SYNDIG1L: variants seen among roughly 807,000 people sequenced by gnomAD.
SYNDIG1L encodes the protein synapse differentiation inducing 1 like.
In SYNDIG1L, 13 loss-of-function variants were observed where a neutral mutation model predicts 20.1. That is an observed-to-expected ratio of 0.65 (90% CI 0.42 to 1.03). The LOEUF (loss-of-function observed/expected upper bound fraction) is 1.03. SYNDIG1L is among the 50% of genes least tolerant of loss of function. The pLI is 0.00. For missense variants in SYNDIG1L, 294 were observed against 305.1 expected (o/e 0.96, Z 0.27); for synonymous variants, 128 against 129.3 (o/e 0.99, Z 0.07).
the SYNDIG1L span, among the ~76,000 whole-genome samples, chr14:74,434,940 G>A: frequency 2.0e-5 from 3 of 148,866 alleles, no homozygotes; most frequent in East Asian, 2.0e-4. Flanking sequence ...AAAATTAGCC[G>A]GGCGTGGTGG....
chr14:74,410,817 C>A (rs909616540), intron 1 of SYNDIG1L, among the ~76,000 whole-genome samples: 2 of 152,138 alleles, frequency 1.3e-5, no homozygotes, highest in Non-Finnish European at 2.9e-5. Flanking sequence ...GAGGGATACA[C>A]CTTAGTAACT....
chr14:74,442,080 G>A, the SYNDIG1L span, among the ~76,000 whole-genome samples: 7 of 152,202 alleles, frequency 4.6e-5, no homozygotes, highest in South Asian at 4.2e-4. Context: ...ATGATGTAAC[G>A]TGGGGTTAAT....
At chr14:74,460,884 A>G in the SYNDIG1L span, among the ~76,000 whole-genome samples, 3 of 151,432 alleles carry the variant, frequency 2.0e-5, no homozygotes, top group African/African-American at 4.9e-5. Flanking sequence ...CCTGAGCTCA[A>G]AGTGATCTGC....
At chr14:74,469,247 C>T in the SYNDIG1L span, among the ~76,000 whole-genome samples, 1 of 151,792 alleles carries the variant, frequency 6.6e-6, no homozygotes, top group Middle Eastern at 3.2e-3. Context: ...AAGCTGGAAA[C>T]CATCATTCTG....
intron 2 of SYNDIG1L, 89 bp from the exon 3 acceptor site, chr14:74,408,078 T>G: frequency 6.9e-7 from 1 of 1,454,274 alleles, no homozygotes; most frequent in South Asian, 1.4e-5. Context: ...CAATGCCCAG[T>G]GGCCAGTGAC....
chr14:74,471,583 G>A, the SYNDIG1L span, among the ~76,000 whole-genome samples: 6 of 150,152 alleles, frequency 4.0e-5, no homozygotes, highest in Non-Finnish European at 7.4e-5. Flanking sequence ...GGGTGACAAC[G>A]TGAGACCCTA....
the SYNDIG1L span, chr14:74,480,007 C>A: frequency 7.7e-6 from 11 of 1,429,258 alleles, no homozygotes; most frequent in East Asian, 2.2e-4. Flanking sequence ...AAAGAGGCCA[C>A]AAGTTAATGT....
chr14:74,466,129 C>T, the SYNDIG1L span, among the ~76,000 whole-genome samples: 1 of 152,186 alleles, frequency 6.6e-6, no homozygotes, highest in African/African-American at 2.4e-5. Flanking sequence ...TGACTTAAAA[C>T]GCTGCCCTCA....
At chr14:74,430,793 T>C (rs2086297460), upstream of SYNDIG1L, among the ~76,000 whole-genome samples, 1 of 152,168 alleles carries the variant, frequency 6.6e-6, no homozygotes, top group Non-Finnish European at 1.5e-5. Context: ...AGAGTCTTAC[T>C]CTGTCACCCA....
chr14:74,480,021 TAA>T, the SYNDIG1L span: 1 of 1,380,990 alleles, frequency 7.2e-7, no homozygotes. Context: ...TTAATGTTGT[TAA>T]AAAAAAAATT....
the SYNDIG1L span, among the ~76,000 whole-genome samples, chr14:74,441,514 A>G: frequency 6.6e-6 from 1 of 152,006 alleles, no homozygotes; most frequent in African/African-American, 2.4e-5. Flanking sequence ...TTGTTTTTAT[A>G]TATATATTAG....
the SYNDIG1L span, among the ~76,000 whole-genome samples, chr14:74,452,961 G>A: frequency 6.6e-6 from 1 of 152,120 alleles, no homozygotes; most frequent in Non-Finnish European, 1.5e-5. Context: ...ATTACACAGA[G>A]CTCAAGAGCC....
the SYNDIG1L span, among the ~76,000 whole-genome samples, chr14:74,469,616 A>G: frequency 1.3e-5 from 2 of 152,158 alleles, no homozygotes; most frequent in Non-Finnish European, 2.9e-5. Context: ...TGAGGTGCAG[A>G]GGTCATCACC....
At chr14:74,415,993 T>C (rs1310856293) in intron 1 of SYNDIG1L, among the ~76,000 whole-genome samples, 1 of 152,104 alleles carries the variant, frequency 6.6e-6, no homozygotes. Flanking sequence ...CATATAGTGT[T>C]TTATTCCACT....
upstream of SYNDIG1L, among the ~76,000 whole-genome samples, chr14:74,427,519 G>T (rs940569362): frequency 8.5e-5 from 13 of 152,156 alleles, no homozygotes; most frequent in Non-Finnish European, 1.5e-4. Flanking sequence ...TGGGGCTTGG[G>T]TCTCCTTCCC....
At chr14:74,410,480 T>A (rs1362075446) in intron 1 of SYNDIG1L, among the ~76,000 whole-genome samples, 1 of 152,036 alleles carries the variant, frequency 6.6e-6, no homozygotes, top group Non-Finnish European at 1.5e-5. Context: ...GGGTACTAGG[T>A]TAGGATCTGG....
At chr14:74,445,114 G>A in the SYNDIG1L span, among the ~76,000 whole-genome samples, 2 of 152,084 alleles carry the variant, frequency 1.3e-5, no homozygotes, top group Non-Finnish European at 2.9e-5. Flanking sequence ...CACTCTATGA[G>A]TTCACATGAG....
the SYNDIG1L span, among the ~76,000 whole-genome samples, chr14:74,458,964 G>T: frequency 1.4e-4 from 21 of 152,182 alleles, no homozygotes; most frequent in East Asian, 3.7e-3. Flanking sequence ...ATGGTGTCGG[G>T]GCTGTGGGCA....
the SYNDIG1L span, among the ~76,000 whole-genome samples, chr14:74,470,809 C>T: frequency 3.9e-5 from 6 of 152,354 alleles, no homozygotes; most frequent in Admixed American, 6.5e-5. Flanking sequence ...CTTCCTCAGA[C>T]GTCAGCTTTT....
Sources: gnomAD v4.1 joint callset for allele counts (sites outside exome capture counted in the v4.1 genomes callset) on GRCh38, gnomAD v4.1.1 for gene constraint, MANE v1.5 for transcripts, NCBI Gene and HGNC (gene_info 2026-07-23, HGNC 2026-07-21) for gene names.